Variants in TRAF3 observed in about 807,000 individuals in gnomAD.
The protein encoded by TRAF3 is TNF receptor associated factor 3.
A neutral mutation model predicts 62.3 loss-of-function variants in TRAF3; 13 were observed. The observed-to-expected ratio is 0.21, with a 90% CI of 0.14 to 0.33. The LOEUF is 0.33. Ranked by LOEUF, TRAF3 falls within the 10% of genes least tolerant of loss-of-function variation. TRAF3 has a pLI of 1.00. For missense variants in TRAF3, 440 were observed against 741.8 expected (o/e 0.59, Z 4.73); for synonymous variants, 269 against 283.4 (o/e 0.95, Z 0.51).
chr14:102,829,596 A>C (rs1048606469), intron 1 of TRAF3, among the ~76,000 whole-genome samples: 1 of 152,154 alleles, frequency 6.6e-6, no homozygotes, highest in Non-Finnish European at 1.5e-5. Context: ...TTGCAGCCGC[A>C]TGTGCTGGTG....
At chr14:102,900,114 A>G (rs975237136) in intron 10 of TRAF3, among the ~76,000 whole-genome samples, 1 of 136,156 alleles carries the variant, frequency 7.3e-6, no homozygotes, top group Admixed American at 7.6e-5. Context: ...GGGAGGCGGA[A>G]CTTGCAGTGA....
At chr14:102,861,733 T>C (rs1423279857) in intron 2 of TRAF3, among the ~76,000 whole-genome samples, 1 of 152,182 alleles carries the variant, frequency 6.6e-6, no homozygotes, top group Non-Finnish European at 1.5e-5. Context: ...AAGTTTATTA[T>C]AGAAGTAAAT....
intron 1 of TRAF3, among the ~76,000 whole-genome samples, chr14:102,791,361 T>C (rs1214657701): frequency 6.6e-6 from 1 of 152,214 alleles, no homozygotes; most frequent in Non-Finnish European, 1.5e-5. Context: ...TCCTTTAATT[T>C]CTTTAAGCAA....
At chr14:102,884,870 T>C (rs1274828067) in intron 6 of TRAF3, among the ~76,000 whole-genome samples, 39 of 152,116 alleles carry the variant, frequency 2.6e-4, no homozygotes, top group Non-Finnish European at 2.1e-4. Context: ...ACTAAAGAAT[T>C]GCAGGTCCCA....
chr14:102,878,327 GGGGTGAGTGTGTGAATGT>G (rs1436836029), intron 6 of TRAF3, among the ~76,000 whole-genome samples: 2 of 150,134 alleles, frequency 1.3e-5, no homozygotes, highest in East Asian at 2.0e-4. Context: ...TGTTTCTGTG[GGGGTGAGTGTGTGAATGT>G]GGGTGAGTGT....
intron 1 of TRAF3, among the ~76,000 whole-genome samples, chr14:102,778,014 C>T (rs543410472): frequency 1.3e-5 from 2 of 150,556 alleles, no homozygotes; most frequent in Non-Finnish European, 1.5e-5. Context: ...CCCCCGCTGG[C>T]GTTGAGGACC....
In TRAF3 at chr14:102,826,042, G is replaced by T. The variant is rs907433793; in HGVS notation, c.-156-4292G>T. 2.0e-5 allele frequency among the ~76,000 whole-genome samples: 3 copies of T among 152,198 alleles called. No homozygotes were observed. The highest frequency in any genetic ancestry group is 4.4e-5 in the Non-Finnish European group (3 of 68,038). On this transcript the variant is annotated intron_variant, in intron 1 of 11. Transcript: ENST00000392745. This position sits in a 1 kb window ranked among gnomAD's most constrained non-coding sequence, Gnocchi z 4.6. ...ACAGTAAGAGGGAAGGATGGGGGAG[G>T]AAGACTGCTGTATTTCCTTAAAAGT... is the stretch of plus-strand genomic sequence containing the variant.
chr14:102,823,186 G>A (rs1448148217), intron 1 of TRAF3, among the ~76,000 whole-genome samples: 1 of 152,084 alleles, frequency 6.6e-6, no homozygotes, highest in Non-Finnish European at 1.5e-5. Flanking sequence ...TAGGGAATGT[G>A]GTCTTTCCAC....
At position 102,843,849 on chromosome 14, in the gene TRAF3, A is replaced by G. The variant is rs1439528254; in HGVS notation, c.-18+13377A>G. ...AAAGTGGTAAAATTGACAAAGCTCC[A>G]GTGAAACTGATAAGGAAGAAAAAAC... On this transcript the variant is annotated intron_variant, in intron 2 of 11. Transcript: ENST00000392745. 2.0e-5 allele frequency among the ~76,000 whole-genome samples: 3 copies of G among 152,230 alleles called. No individual in the cohort carries two copies. The East Asian group carries it at 5.8e-4, about 29-fold the overall frequency.
At chr14:102,787,253 A>C (rs1897552346) in intron 1 of TRAF3, among the ~76,000 whole-genome samples, 1 of 152,200 alleles carries the variant, frequency 6.6e-6, no homozygotes, top group African/African-American at 2.4e-5. Flanking sequence ...AACTGAAATC[A>C]CAGTATATTT....
chr14:102,891,396 G>C lies in TRAF3; in HGVS notation c.798G>C (p.Trp266Cys). 6.2e-7 allele frequency: 1 copy of C among 1,612,862 alleles called. No homozygotes were observed. The highest frequency in any genetic ancestry group is 8.5e-7 in the Non-Finnish European group (1 of 1,179,600). ...AGCACGTCAACCTGCTGAAGGAGTG[G>C]AGCAACTCGCTCGAAAAGAAGGTGG... The part of the protein sequence containing the change: ...AVQHVNLLKE[W>C]SNSLEKKVSL... Residue 266 changes from tryptophan to cysteine, a missense_variant, in exon 9 of 12, where the codon TGG becomes TGC. This residue lies in a region of TRAF3 where 255 missense variants were observed against 424.1 expected (regional missense o/e 0.60). Transcript: ENST00000392745.
chr14:102,818,506 G>A lies in TRAF3; in HGVS notation c.-156-11828G>A, dbSNP rs74086124. On this transcript the variant is annotated intron_variant, in intron 1 of 11. Transcript: ENST00000392745. ...CTGGAGGGAGCTTGATTTGAGATGAGTAGTTTGTATGCCTGACTAAGTCAA... is the reference window on the plus strand; with the variant it reads ...CTGGAGGGAGCTTGATTTGAGATGAATAGTTTGTATGCCTGACTAAGTCAA... Among the ~76,000 whole-genome samples, 503 of 152,222 alleles carry A rather than the reference G, an allele frequency of 3.3e-3. 5 individuals carry two copies. Among genetic ancestry groups the A allele is most frequent in the African/African-American group, 0.012 (487 of 41,510 alleles).
At chr14:102,780,957 C>G (rs1379875121) in intron 1 of TRAF3, among the ~76,000 whole-genome samples, 1 of 152,190 alleles carries the variant, frequency 6.6e-6, no homozygotes, top group East Asian at 1.9e-4. Flanking sequence ...ATCCTGCCCT[C>G]AGGGTGCTAA....
chr14:102,781,493 G>T (rs954157271), intron 1 of TRAF3, among the ~76,000 whole-genome samples: 5 of 152,242 alleles, frequency 3.3e-5, no homozygotes, highest in African/African-American at 1.2e-4. Flanking sequence ...AGGGGAAGGG[G>T]TGTAAATGTT....
At chr14:102,835,162 C>T (rs1027347255) in intron 2 of TRAF3, among the ~76,000 whole-genome samples, 1 of 152,200 alleles carries the variant, frequency 6.6e-6, no homozygotes, top group African/African-American at 2.4e-5. Flanking sequence ...CAGCCCAAAT[C>T]ACTGACCATT....
chr14:102,894,895 G>C (rs959499013), intron 9 of TRAF3, among the ~76,000 whole-genome samples: 1 of 152,006 alleles, frequency 6.6e-6, no homozygotes, highest in Admixed American at 6.6e-5. Context: ...ATGGAGTTTC[G>C]CCATGTTGTT....
At chr14:102,838,360 G>A (rs924847140) in intron 2 of TRAF3, among the ~76,000 whole-genome samples, 4 of 152,224 alleles carry the variant, frequency 2.6e-5, no homozygotes, top group African/African-American at 9.6e-5. Flanking sequence ...TGTAAGTGTT[G>A]TGATGGGTGT....
intron 2 of TRAF3, among the ~76,000 whole-genome samples, chr14:102,854,120 A>T (rs1887219147): frequency 6.6e-6 from 1 of 151,256 alleles, no homozygotes; most frequent in Non-Finnish European, 1.5e-5. Context: ...ATAGTACCTC[A>T]TTTTTTTTTA....
rs558910340 is a variant in TRAF3 at position 102,827,558 on chromosome 14, G to T, written c.-156-2776G>T. On this transcript the variant is annotated intron_variant, in intron 1 of 11. Transcript: ENST00000392745. ...GACTGTGACCCGTCACGTGAGGTCA[G>T]TTGGGGAATTTTCCTCTTGTGGTGG... Among the ~76,000 whole-genome samples, 8 of 152,358 alleles carry T rather than the reference G, an allele frequency of 5.3e-5. 2 individuals are homozygous for T. The highest frequency in any genetic ancestry group is 1.7e-4 in the African/African-American group (7 of 41,594).
Sources: allele counts gnomAD v4.1 joint callset (sites outside exome capture counted in the v4.1 genomes callset), GRCh38; gene constraint gnomAD v4.1.1; regional missense constraint gnomAD v4.1.1; non-coding constraint Gnocchi (gnomAD v3.1); transcripts MANE v1.5; gene names NCBI Gene and HGNC (gene_info 2026-07-23, HGNC 2026-07-21).